Variants in ZMYND8 observed in about 807,000 individuals in gnomAD.
ZMYND8 encodes the protein zinc finger MYND-type containing 8, also known as MYND-type zinc finger-containing chromatin reader ZMYND8.
Under a neutral mutation model 140.8 loss-of-function variants are expected in ZMYND8, and 37 were observed. The ratio of observed to expected loss-of-function variants is 0.26; its 90% CI spans 0.20 to 0.35. The LOEUF (loss-of-function observed/expected upper bound fraction) is 0.35. Among genes scored for constraint, ZMYND8 ranks in the 10% least tolerant of loss-of-function variants. The pLI, the probability that ZMYND8 is intolerant of heterozygous loss-of-function variation, is 1.00. For synonymous variants in ZMYND8, 592 were observed against 597.1 expected (o/e 0.99, Z 0.12); for missense variants, 1,068 against 1,570.0 (o/e 0.68, Z 5.40).
rs929316461 is a variant in ZMYND8, at chr20:47,210,395, G to C, written c.*366C>G. Reference sequence around the variant, plus strand: ...CTCCAATACCAAAACATTCTTTTTTGTTGTTGGGGTTGGTTGCTTTTTTTT... The same window carrying C: ...CTCCAATACCAAAACATTCTTTTTTCTTGTTGGGGTTGGTTGCTTTTTTTT... On this transcript the variant is annotated 3_prime_UTR_variant, in exon 23 of 23. Transcript: ENST00000471951. 1 of 143,098 alleles carries C rather than the reference G, an allele frequency of 7.0e-6. No homozygotes were observed. Among genetic ancestry groups the C allele is most frequent in the African/African-American group, 3.3e-5 (1 of 30,436 alleles). 8.9% of individuals were successfully genotyped at this position (143,098 alleles called of 1,614,324 possible).
intron 11 of ZMYND8, 113 bp from the exon 12 acceptor site, chr20:47,262,541 A>G (rs1274450635): frequency 5.7e-6 from 8 of 1,403,202 alleles, no homozygotes; most frequent in Non-Finnish European, 7.8e-6. Flanking sequence ...GATTTCAGCA[A>G]GGCCGCTACA....
chr20:47,292,731 A>AG (rs1394716874), intron 5 of ZMYND8, among the ~76,000 whole-genome samples: 5 of 152,122 alleles, frequency 3.3e-5, no homozygotes, highest in Non-Finnish European at 7.4e-5. Flanking sequence ...CAAATCAGGT[A>AG]GGGGGCATCA....
rs1471785476 is a variant in ZMYND8 at position 47,210,249 on chromosome 20, C to G, written c.*512G>C. On this transcript the variant is annotated 3_prime_UTR_variant, in exon 23 of 23. Transcript: ENST00000471951. ...GATCCCAACATGCTGCGTACAGACA[C>G]ACGAGCGAAAACGGTTCGCCCTCCC... 6.4e-6 allele frequency: 1 copy of G among 156,220 alleles called. No individual in the cohort carries two copies. Among genetic ancestry groups the G allele is most frequent in the Non-Finnish European group, 1.4e-5 (1 of 70,386 alleles). 9.7% of individuals were successfully genotyped at this position (156,220 alleles called of 1,614,324 possible). A position where few individuals can be genotyped will look rare whatever the true frequency, so the allele number is the denominator to read the frequency against.
At chr20:47,305,150 G>A (rs6094658) in intron 3 of ZMYND8, among the ~76,000 whole-genome samples, 4,821 of 152,020 alleles carry the variant, frequency 0.032, 254 homozygotes, top group African/African-American at 0.11. Context: ...AGGCTGAGGT[G>A]GGAGGATCAC....
In ZMYND8 at chr20:47,297,709, G is replaced by A. The variant is rs6122572; in HGVS notation, c.453+1020C>T. Among the ~76,000 whole-genome samples, 1,057 of 152,240 alleles carry A rather than the reference G, an allele frequency of 6.9e-3. 60 individuals carry two copies. The East Asian group carries it at 0.15, about 21-fold the overall frequency. The stretch of plus-strand genomic sequence containing the variant: ...CAAAGTGCTGGGATTACAATCATGA[G>A]CCACCACGCTCAGCCTCCAATGTAT... On this transcript the variant is annotated intron_variant, in intron 4 of 22. Coordinates refer to ENST00000471951, the MANE Select transcript of ZMYND8 (RefSeq NM_001281775.3).
intron 11 of ZMYND8, among the ~76,000 whole-genome samples, chr20:47,267,695 C>T (rs2075634925): frequency 6.6e-6 from 1 of 152,228 alleles, no homozygotes; most frequent in African/African-American, 2.4e-5. Context: ...AGAGGCACCT[C>T]ATTCCCCAGA....
intron 21 of ZMYND8, among the ~76,000 whole-genome samples, chr20:47,215,638 T>C (rs2035982556): frequency 6.6e-6 from 1 of 152,048 alleles, no homozygotes; most frequent in South Asian, 2.1e-4. Flanking sequence ...CCTCTCCAAG[T>C]AGCTGGGACT....
intron 11 of ZMYND8, among the ~76,000 whole-genome samples, chr20:47,274,794 C>G (rs969062974): frequency 6.6e-6 from 1 of 152,114 alleles, no homozygotes; most frequent in African/African-American, 2.4e-5. Flanking sequence ...ATCTGGGGAG[C>G]AGCTAGAAGC....
chr20:47,319,163 A>G (rs937382265), intron 2 of ZMYND8: 1 of 596,160 alleles, frequency 1.7e-6, no homozygotes. Flanking sequence ...GGGCAAGGAC[A>G]CTGTCACCTC....
intron 13 of ZMYND8, 112 bp from the exon 14 acceptor site, chr20:47,246,629 AATCGC>A: frequency 7.0e-7 from 1 of 1,426,776 alleles, no homozygotes; most frequent in Non-Finnish European, 9.2e-7. Context: ...GCACGTTTCA[AATCGC>A]ATCACATTGG....
intron 1 of ZMYND8, 137 bp from the exon 2 acceptor site, chr20:47,348,063 C>G (rs1165879429): frequency 1.2e-6 from 1 of 807,604 alleles, no homozygotes; most frequent in East Asian, 2.6e-5. Flanking sequence ...GGAGGAAACC[C>G]ACACCTGATT....
At chr20:47,330,341 C>T (rs2080830077) in intron 2 of ZMYND8, among the ~76,000 whole-genome samples, 1 of 151,660 alleles carries the variant, frequency 6.6e-6, no homozygotes, top group African/African-American at 2.4e-5. Flanking sequence ...AGAGACAAGC[C>T]ACCATGCCTG....
At chr20:47,277,780 C>T (rs1348679572) in intron 10 of ZMYND8, among the ~76,000 whole-genome samples, 1 of 152,078 alleles carries the variant, frequency 6.6e-6, no homozygotes, top group African/African-American at 2.4e-5. Context: ...AAGCAATTCT[C>T]CTGCCTCAGC....
In ZMYND8 at chr20:47,282,175, G is replaced by T. The variant is rs1273153522; in HGVS notation, c.925C>A (p.Pro309Thr). The T allele has an allele frequency of 6.2e-7, 1 of 1,614,098 alleles. No individual in the cohort carries two copies. Among genetic ancestry groups the T allele is most frequent in the Non-Finnish European group, 8.5e-7 (1 of 1,180,006 alleles). The part of the protein sequence containing the change: ...PLVWAKLKGF[P>T]FWPAKALRDK... Reference sequence around the variant, plus strand: ...CTTAGAGCTTTTGCAGGCCAGAATGGAAACCCCTTCAGTTTGGCCCAGACC... The same window carrying T: ...CTTAGAGCTTTTGCAGGCCAGAATGTAAACCCCTTCAGTTTGGCCCAGACC... The change falls in exon 10 of 23, where the codon CCA becomes ACA. Residue 309 changes from proline (P) to threonine (T), a missense_variant. Transcript: ENST00000471951.
intron 14 of ZMYND8, among the ~76,000 whole-genome samples, chr20:47,245,032 G>A (rs917629727): frequency 1.3e-5 from 2 of 152,084 alleles, no homozygotes; most frequent in Non-Finnish European, 2.9e-5. Context: ...ACTCCAGCCT[G>A]GGCGACAAGA....
chr20:47,319,145 G>A (rs983388363), intron 2 of ZMYND8: 32 of 819,820 alleles, frequency 3.9e-5, no homozygotes, highest in African/African-American at 8.9e-5. Context: ...GCATTAGGTC[G>A]CCCGGCGGGG....
rs938244931 is a variant in ZMYND8 at position 47,246,264 on chromosome 20, C to A, written c.2028G>T (p.Glu676Asp). 1 of 1,614,202 alleles carries A rather than the reference C, an allele frequency of 6.2e-7. No homozygotes were observed. Among genetic ancestry groups the A allele is most frequent in the African/African-American group, 1.3e-5 (1 of 75,050 alleles). ...EELKSTSPAS[E>D]KADPGAVKDK... Reference sequence around the variant, plus strand: ...CCTTGACTGCTCCAGGGTCTGCCTTCTCGCTGGCTGGTGACGTGCTTTTCA... The same window carrying A: ...CCTTGACTGCTCCAGGGTCTGCCTTATCGCTGGCTGGTGACGTGCTTTTCA... The change falls in exon 14 of 23, where the codon GAG becomes GAT. Residue 676 changes from glutamate (E) to aspartate (D), a missense_variant. Transcript: ENST00000471951.
chr20:47,225,827 G>T (rs182772826), intron 18 of ZMYND8, among the ~76,000 whole-genome samples: 298 of 151,966 alleles, frequency 2.0e-3, no homozygotes, highest in African/African-American at 6.5e-3. Flanking sequence ...AGGATTTTAT[G>T]AAAGTAAGAT....
Position 47,231,689 on chromosome 20 carries a change from C to T in ZMYND8, c.2857-1883G>A, listed in dbSNP as rs539538582. Among the ~76,000 whole-genome samples, 210 of 152,360 alleles carry T rather than the reference C, an allele frequency of 1.4e-3. 1 individual carries two copies. The highest frequency in any genetic ancestry group is 2.4e-3 in the Non-Finnish European group (162 of 68,038). ...GCTTGCTGCGGAGCCCACACCAGGC[C>T]GTTGCCAGCAAAAACACTCTGCGCT... On this transcript the variant is annotated intron_variant, in intron 16 of 22. Transcript: ENST00000471951.
Sources: allele counts gnomAD v4.1 joint callset (sites outside exome capture counted in the v4.1 genomes callset), GRCh38; gene constraint gnomAD v4.1.1; transcripts MANE v1.5; gene names NCBI Gene and HGNC (gene_info 2026-07-23, HGNC 2026-07-21).